Variants in GOLM1 observed in about 807,000 individuals in gnomAD.
GOLM1 encodes golgi membrane protein 1.
GOLM1 carries 31 observed loss-of-function variants against 50.5 expected under a neutral mutation model. The ratio of observed to expected loss-of-function variants is 0.61; its 90% CI spans 0.46 to 0.83. The LOEUF is 0.83. Among genes scored for constraint, GOLM1 ranks in the 40% least tolerant of loss-of-function variants. GOLM1 has a pLI of 0.00. For missense variants in GOLM1, 491 were observed against 501.3 expected, an observed-to-expected ratio of 0.98 and a Z score of 0.20; for synonymous variants, 178 against 192.8, an observed-to-expected ratio of 0.92 and a Z score of 0.64.
chr9:86,073,608 G>C (rs1834520475), intron 3 of GOLM1, among the ~76,000 whole-genome samples: 1 of 152,088 alleles, frequency 6.6e-6, no homozygotes, highest in Non-Finnish European at 1.5e-5. Context: ...GAACCTTACA[G>C]AGAAGGGGGA....
chr9:86,074,924 A>G (rs1211960713), intron 3 of GOLM1, among the ~76,000 whole-genome samples: 1 of 152,200 alleles, frequency 6.6e-6, no homozygotes, highest in Non-Finnish European at 1.5e-5. Context: ...GAAAAAAAAA[A>G]TCTGCTACGG....
At chr9:86,091,281 T>A (rs1400646976) in intron 1 of GOLM1, among the ~76,000 whole-genome samples, 1 of 152,242 alleles carries the variant, frequency 6.6e-6, no homozygotes, top group Non-Finnish European at 1.5e-5. Context: ...ATTGTTGTTA[T>A]ATTTAGAAGG....
At chr9:86,057,343 A>C (rs12347508) in intron 3 of GOLM1, among the ~76,000 whole-genome samples, 2,730 of 152,358 alleles carry the variant, frequency 0.018, 80 homozygotes, top group African/African-American at 0.062. Flanking sequence ...GTAGTGACTA[A>C]TTTTAAAAAT....
chr9:86,035,422 C>A lies in GOLM1; in HGVS notation c.961G>T (p.Asp321Tyr), dbSNP rs1250537412. 2 of 1,614,018 alleles carry A rather than the reference C, an allele frequency of 1.2e-6. No homozygotes were observed. Among genetic ancestry groups the A allele is most frequent in the Non-Finnish European group, 1.7e-6 (2 of 1,180,024 alleles). Residue 321 changes from aspartate (D) to tyrosine (Y), a missense_variant, in exon 8 of 10, where the codon GAC becomes TAC. By Grantham distance (160) the Asp-to-Tyr change is radical (BLOSUM62 -3). Coordinates refer to ENST00000388712, the MANE Select transcript of GOLM1 (RefSeq NM_016548.4). ...TGTCCGTCGGGGATGACAAGCTGGT[C>A]TCGCTCAGGGCCCTCCATCTCTGGA... ...ENPEMEGPER[D>Y]QLVIPDGQEE...
At position 86,027,879 on chromosome 9, in the gene GOLM1, C is replaced by A. The variant is rs777079368; in HGVS notation, c.1144G>T (p.Asp382Tyr). 1 of 1,599,932 alleles carries A rather than the reference C, an allele frequency of 6.3e-7. No individual in the cohort carries two copies. The highest frequency in any genetic ancestry group is 2.2e-5 in the East Asian group (1 of 44,792). ...AAATTTATGGTGTCTCTTTTCTGAT[C>A]TTCAACATTAAAAACTAAAAAGGAA... Reference protein sequence around the residue: ...DRNIDVFNVEDQKRDTINLLD... With the variant: ...DRNIDVFNVEYQKRDTINLLD... Residue 382 changes from aspartate (D) to tyrosine (Y), a missense_variant, in exon 10 of 10, where the codon GAT (aspartate) becomes TAT (tyrosine). Transcript: ENST00000388712.
intron 3 of GOLM1, among the ~76,000 whole-genome samples, chr9:86,053,637 C>T (rs1181635984): frequency 1.6e-5 from 1 of 61,734 alleles, no homozygotes; most frequent in Non-Finnish European, 5.4e-5. Context: ...CACTACAAAA[C>T]ACACACCACA....
At chr9:86,047,147 G>A (rs115103166) in intron 4 of GOLM1, among the ~76,000 whole-genome samples, 3,493 of 145,458 alleles carry the variant, frequency 0.024, 127 homozygotes, top group African/African-American at 0.084. Flanking sequence ...GGGAAAGAGC[G>A]GCTTTCTTTA....
chr9:86,080,815 T>C (rs936663077), intron 1 of GOLM1, among the ~76,000 whole-genome samples: 27 of 152,164 alleles, frequency 1.8e-4, no homozygotes, highest in Admixed American at 1.0e-3. Flanking sequence ...TCAGCTGATA[T>C]CAGCAAGCAC....
At chr9:86,050,702 T>G (rs193124854) in intron 4 of GOLM1, among the ~76,000 whole-genome samples, 2,538 of 152,302 alleles carry the variant, frequency 0.017, 32 homozygotes, top group Admixed American at 0.029. Context: ...GTGGGATCGG[T>G]GGTGATATCC....
chr9:86,036,568 G>T, intron 6 of GOLM1, 61 bp from the exon 7 acceptor site: 2 of 1,559,992 alleles, frequency 1.3e-6, no homozygotes, highest in South Asian at 1.1e-5. Context: ...AGCCGTAAAA[G>T]AATCCTACCA....
At chr9:86,093,371 G>C (rs1236527737) in intron 1 of GOLM1, among the ~76,000 whole-genome samples, 7 of 122,552 alleles carry the variant, frequency 5.7e-5, no homozygotes, top group African/African-American at 1.3e-4. Flanking sequence ...GCGAGATTCT[G>C]CCTCAAAAAA....
At chr9:86,082,308 G>C (rs940209515) in intron 1 of GOLM1, among the ~76,000 whole-genome samples, 1 of 151,790 alleles carries the variant, frequency 6.6e-6, no homozygotes, top group African/African-American at 2.4e-5. Flanking sequence ...TTACAGGCAT[G>C]AGCCACCGTG....
intron 3 of GOLM1, among the ~76,000 whole-genome samples, chr9:86,065,303 G>T (rs979976806): frequency 6.6e-6 from 1 of 152,200 alleles, no homozygotes; most frequent in African/African-American, 2.4e-5. Context: ...ACTGGGCACA[G>T]GCCAGGGCAG....
At chr9:86,051,533 T>A (rs1833751822) in intron 4 of GOLM1, among the ~76,000 whole-genome samples, 1 of 152,210 alleles carries the variant, frequency 6.6e-6, no homozygotes, top group African/African-American at 2.4e-5. Context: ...ACTTGCTTTA[T>A]GAATCTGGGG....
At chr9:86,097,142 A>T (rs1243083154) in intron 1 of GOLM1, among the ~76,000 whole-genome samples, 2 of 151,928 alleles carry the variant, frequency 1.3e-5, no homozygotes, top group Non-Finnish European at 2.9e-5. Context: ...GAAATTTAAG[A>T]AACACTTCAT....
intron 1 of GOLM1, among the ~76,000 whole-genome samples, chr9:86,094,751 G>A (rs984278331): frequency 6.6e-6 from 1 of 152,100 alleles, no homozygotes; most frequent in Non-Finnish European, 1.5e-5. Context: ...GCAATGTTAT[G>A]CAGGGAGACC....
Position 86,026,922 on chromosome 9 carries a change from T to C in GOLM1, c.*895A>G. 1 of 985,168 alleles carries C rather than the reference T, an allele frequency of 1.0e-6. No homozygotes were observed. Among genetic ancestry groups the C allele is most frequent in the Non-Finnish European group, 1.2e-6 (1 of 829,682 alleles). The allele number at this position is 985,168 out of a possible 1,614,324, so 61.0% of individuals were successfully genotyped here. A position where few individuals can be genotyped will look rare whatever the true frequency, so the allele number is the denominator to read the frequency against. The stretch of plus-strand genomic sequence containing the variant: ...CCTTCGACATCAATGAACTTTGTTT[T>C]CTTTTACTCCAGTAATAAAGTAGGC... On this transcript the variant is annotated 3_prime_UTR_variant, in exon 10 of 10. Coordinates refer to ENST00000388712, the MANE Select transcript of GOLM1 (RefSeq NM_016548.4).
rs566976721 is a variant in GOLM1, at chr9:86,098,909, C to T, written c.-22+502G>A. On this transcript the variant is annotated intron_variant, in intron 1 of 9. Transcript: ENST00000388712. ...CACGAGGCCCAGCGGCAACGTGGAC[C>T]CCAGGGCGGCCGGAGCGCGCCTGGG... Among the ~76,000 whole-genome samples the T allele has an allele frequency of 2.9e-3, 435 of 152,284 alleles. 3 individuals carry two copies. Among genetic ancestry groups the T allele is most frequent in the African/African-American group, 0.01 (425 of 41,578 alleles).
chr9:86,073,322 A>C (rs887535500), intron 3 of GOLM1, among the ~76,000 whole-genome samples: 2 of 152,168 alleles, frequency 1.3e-5, no homozygotes, highest in African/African-American at 4.8e-5. Flanking sequence ...AGAGAGTCTG[A>C]TCTAGTGTAT....
Sources: allele counts gnomAD v4.1 joint callset (sites outside exome capture counted in the v4.1 genomes callset), GRCh38; gene constraint gnomAD v4.1.1; transcripts MANE v1.5; gene names NCBI Gene and HGNC (gene_info 2026-07-23, HGNC 2026-07-21).